The following EYS variants were observed in gnomAD, a reference collection of about 807,000 sequenced individuals.
The protein encoded by EYS is EGF-like photoreceptor maintenance factor.
In EYS, 250 loss-of-function variants were observed where a neutral mutation model predicts 282.1. The observed-to-expected ratio is 0.89, with a 90% CI of 0.80 to 0.98. The LOEUF (loss-of-function observed/expected upper bound fraction) is 0.98. Among genes scored for constraint, EYS ranks in the 50% least tolerant of loss-of-function variants. EYS has a pLI of 0.00. For synonymous variants in EYS, 1,355 were observed against 1,282.9 expected, an observed-to-expected ratio of 1.06 and a Z score of -1.20; for missense variants, 4,016 against 3,709.0, an observed-to-expected ratio of 1.08 and a Z score of -2.15.
chr6:65,495,454 C>CA lies in EYS; in HGVS notation c.-45dup, dbSNP rs748468994. On this transcript the variant is annotated 5_prime_UTR_variant, in exon 4 of 43. Coordinates refer to ENST00000503581, the MANE Select transcript of EYS (RefSeq NM_001142800.2). ...TACAGTTTATCATAAAGAATTGCTG[C>CA]AAAATGGTGTTTTAAGTATTACCGG... 5.0e-6 allele frequency: 8 copies of CA among 1,594,306 alleles called. No individual in the cohort carries two copies. In the East Asian group the frequency reaches 1.8e-4, roughly 36 times the overall value.
rs199673373 is a variant in EYS, at chr6:65,627,778, C to T, written c.-333+12000G>A. ...TCTCACCGAGCCTTAGCTGCCTTCC[C>T]GCGGGGTAGGGCTCGGGACCTGCAG... On this transcript the variant is annotated intron_variant, in intron 2 of 42. Coordinates refer to ENST00000503581, the MANE Select transcript of EYS (RefSeq NM_001142800.2). 5.3e-5 allele frequency among the ~76,000 whole-genome samples: 8 copies of T among 152,338 alleles called. No homozygotes were observed. The East Asian group carries it at 9.7e-4, about 18-fold the overall frequency.
chr6:65,512,174 G>A (rs982405747), intron 2 of EYS, among the ~76,000 whole-genome samples: 1 of 151,764 alleles, frequency 6.6e-6, no homozygotes, highest in Admixed American at 6.6e-5. Context: ...TTACTCATAC[G>A]CCTTACAGAT....
intron 22 of EYS, among the ~76,000 whole-genome samples, chr6:64,793,148 T>C (rs1774243533): frequency 6.6e-6 from 1 of 152,096 alleles, no homozygotes; most frequent in Non-Finnish European, 1.5e-5. Context: ...ACAGATGGAA[T>C]ATGAAGAGTC....
chr6:65,039,527 A>G (rs1772870257), intron 13 of EYS, among the ~76,000 whole-genome samples: 1 of 151,530 alleles, frequency 6.6e-6, no homozygotes, highest in Non-Finnish European at 1.5e-5. Context: ...TACTTGCATT[A>G]GAAGAGGGAT....
chr6:64,448,598 G>A (rs1172857799), intron 26 of EYS, among the ~76,000 whole-genome samples: 1 of 152,158 alleles, frequency 6.6e-6, no homozygotes, highest in Non-Finnish European at 1.5e-5. Context: ...TAACTGGGAG[G>A]CACCCCCCAG....
At chr6:65,162,075 A>G (rs1324449330) in intron 12 of EYS, among the ~76,000 whole-genome samples, 1 of 151,244 alleles carries the variant, frequency 6.6e-6, no homozygotes, top group Non-Finnish European at 1.5e-5. Flanking sequence ...ACAGTTACAG[A>G]AAAAAGTAGT....
intron 1 of EYS, among the ~76,000 whole-genome samples, chr6:65,678,477 C>G (rs1054405256): frequency 2.6e-5 from 4 of 151,914 alleles, no homozygotes; most frequent in Admixed American, 6.6e-5. Context: ...AAAGACTTAA[C>G]TATAAGACAT....
intron 29 of EYS, among the ~76,000 whole-genome samples, chr6:64,307,473 A>G (rs1395718808): frequency 1.3e-5 from 2 of 152,122 alleles, no homozygotes; most frequent in Non-Finnish European, 2.9e-5. Context: ...TCTCACTTAT[A>G]GGTAGACTCT....
At chr6:65,574,899 T>C (rs946301948) in intron 2 of EYS, among the ~76,000 whole-genome samples, 1 of 152,114 alleles carries the variant, frequency 6.6e-6, no homozygotes, top group Admixed American at 6.6e-5. Flanking sequence ...TTTAAGAAGA[T>C]TGAAATCATA....
At chr6:63,983,214 A>G (rs559224459) in intron 35 of EYS, among the ~76,000 whole-genome samples, 4 of 151,778 alleles carry the variant, frequency 2.6e-5, no homozygotes, top group Non-Finnish European at 5.9e-5. Context: ...TATTGTACCA[A>G]TGTATAAATG....
chr6:65,136,165 C>A (rs1195482932), intron 12 of EYS, among the ~76,000 whole-genome samples: 3 of 151,752 alleles, frequency 2.0e-5, no homozygotes, highest in African/African-American at 7.3e-5. Context: ...AGAATTTGTA[C>A]CTATGTTAAC....
chr6:64,066,224 G>T (rs1360717014), intron 33 of EYS, 114 bp downstream of exon 33: 1 of 887,040 alleles, frequency 1.1e-6, no homozygotes, highest in Non-Finnish European at 1.7e-6. Flanking sequence ...GTTGTAGTGA[G>T]CTGAGATCAC....
chr6:64,913,915 A>C (rs1395226358), intron 15 of EYS, among the ~76,000 whole-genome samples: 2 of 152,162 alleles, frequency 1.3e-5, no homozygotes, highest in Admixed American at 6.6e-5. Context: ...CAAATAAAAA[A>C]TAAAGCATTT....
intron 33 of EYS, among the ~76,000 whole-genome samples, chr6:64,025,743 T>A (rs1769471583): frequency 6.6e-6 from 1 of 152,162 alleles, no homozygotes; most frequent in Admixed American, 6.5e-5. Context: ...AGAAAGTGTA[T>A]CCTTCCTATT....
At chr6:63,759,620 G>A (rs770330840) in intron 41 of EYS, among the ~76,000 whole-genome samples, 5 of 152,062 alleles carry the variant, frequency 3.3e-5, no homozygotes, top group Non-Finnish European at 5.9e-5. Flanking sequence ...TAATACACAT[G>A]TAACTACACC....
At chr6:64,491,353 C>A (rs1348051191) in intron 26 of EYS, among the ~76,000 whole-genome samples, 1 of 150,836 alleles carries the variant, frequency 6.6e-6, no homozygotes. Context: ...TTAAACTCCT[C>A]AAAATATATA....
intron 28 of EYS, among the ~76,000 whole-genome samples, chr6:64,409,880 TAGTG>T (rs1309540499): frequency 2.0e-5 from 3 of 152,170 alleles, no homozygotes. Flanking sequence ...AAAGTGCTCT[TAGTG>T]AGGATTTATT....
At chr6:64,742,859 C>G (rs968315958) in intron 22 of EYS, among the ~76,000 whole-genome samples, 2 of 152,122 alleles carry the variant, frequency 1.3e-5, no homozygotes, top group Admixed American at 6.5e-5. Context: ...TTCAGTTTTT[C>G]AGTTTTGTCA....
In EYS at chr6:65,335,071, C is replaced by A; in HGVS notation, c.1675G>T (p.Ala559Ser). 6.2e-7 allele frequency: 1 copy of A among 1,611,998 alleles called. No individual in the cohort carries two copies. Among genetic ancestry groups the A allele is most frequent in the Non-Finnish European group, 8.5e-7 (1 of 1,178,814 alleles). ...GTATTTTCCAGATACATGTTGCCAG[C>A]CCATCTGAGAAAACATAGATACCGA... ...EYRYLCFLRW[A>S]GNMYLENTTD... Residue 559 changes from alanine (A) to serine (S), a missense_variant, in exon 11 of 43, where the codon GCT becomes TCT. By Grantham distance (99) the Ala-to-Ser change is moderately conservative. Transcript: ENST00000503581.
Sources: allele counts gnomAD v4.1 joint callset (sites outside exome capture counted in the v4.1 genomes callset), GRCh38; gene constraint gnomAD v4.1.1; transcripts MANE v1.5; gene names NCBI Gene and HGNC (gene_info 2026-07-23, HGNC 2026-07-21).